The following ATF3 variants were observed in gnomAD, a reference collection of about 807,000 sequenced individuals.
ATF3 encodes the protein cyclic AMP-dependent transcription factor ATF-3.
A neutral mutation model predicts 18.4 loss-of-function variants in ATF3; 10 were observed. The observed-to-expected ratio is 0.54, with a 90% CI of 0.34 to 0.92. The LOEUF (loss-of-function observed/expected upper bound fraction) is 0.92. ATF3 is among the 40% of genes least tolerant of loss of function. ATF3 has a pLI of 0.02. For synonymous variants in ATF3, 78 were observed against 87.9 expected (o/e 0.89, Z 0.63); for missense variants, 183 against 222.3 (o/e 0.82, Z 1.12).
chr1:212,576,012 C>T (rs897196709), intron 1 of ATF3, among the ~76,000 whole-genome samples: 7 of 152,024 alleles, frequency 4.6e-5, no homozygotes, highest in African/African-American at 1.7e-4. Context: ...CTTTTTCCTC[C>T]TACCCTCTGA....
chr1:212,577,636 A>T (rs1664605957), intron 1 of ATF3, among the ~76,000 whole-genome samples: 3 of 150,478 alleles, frequency 2.0e-5, no homozygotes, highest in Admixed American at 2.0e-4. Context: ...CTGTAAGATC[A>T]ACTTTTTTCA....
At position 212,619,122 on chromosome 1, in the gene ATF3, C is replaced by T. The variant is rs753140735; in HGVS notation, c.349-236C>T. ...TGCAAATGAGGTATCTGAACTGCAG[C>T]TTCAGTATTAGCAGAGCCACAGGCC... On this transcript the variant is annotated intron_variant, in intron 3 of 3. Transcript: ENST00000341491. This position sits in a 1 kb window ranked among gnomAD's most constrained non-coding sequence, Gnocchi z 4.4. 9.3e-6 allele frequency: 15 copies of T among 1,614,014 alleles called. No homozygotes were observed. The East Asian group carries it at 2.7e-4, about 29-fold the overall frequency.
In ATF3 at chr1:212,571,731, A is replaced by ATTT. The variant is rs1337002918; in HGVS notation, c.-5+6248_-5+6249insTTT. ...AGCCAATACTTTTTTTTTTTTTTTGAGACGGAGTCTGGCTCTGTCGCCCAG... is the reference window on the plus strand; with the variant it reads ...AGCCAATACTTTTTTTTTTTTTTTGATTTGACGGAGTCTGGCTCTGTCGCCCAG... On this transcript the variant is annotated intron_variant, in intron 1 of 3. Transcript: ENST00000366981. 6.2e-5 allele frequency among the ~76,000 whole-genome samples: 5 copies of ATTT among 80,384 alleles called. No homozygotes were observed. In the East Asian group the frequency reaches 1.2e-3, roughly 19 times the overall value. 52.7% of individuals were successfully genotyped at this position (80,384 alleles called of 152,430 possible). A position where few individuals can be genotyped will look rare whatever the true frequency, so the allele number is the denominator to read the frequency against.
chr1:212,580,596 A>G (rs1015114457), intron 1 of ATF3, among the ~76,000 whole-genome samples: 1 of 152,102 alleles, frequency 6.6e-6, no homozygotes, highest in Non-Finnish European at 1.5e-5. Flanking sequence ...GTGAACCACC[A>G]TACCCAGCCT....
chr1:212,577,729 A>G (rs116562142), intron 1 of ATF3, among the ~76,000 whole-genome samples: 1,846 of 152,256 alleles, frequency 0.012, 28 homozygotes, highest in African/African-American at 0.037. Context: ...CTCCAGATTC[A>G]TCCATGTTGT....
In ATF3 at chr1:212,593,642, G is replaced by A. The variant is rs75768708; in HGVS notation, c.-4-21376G>A. On this transcript the variant is annotated intron_variant, in intron 1 of 3. Transcript: ENST00000366981. ...TGTAGTCCCAGCTATTTGGGAGGCT[G>A]AGGCTAGAGGATCACTTGAGCCCAG... is the stretch of plus-strand genomic sequence containing the variant. Among the ~76,000 whole-genome samples, 23 of 151,660 alleles carry A rather than the reference G, an allele frequency of 1.5e-4. No homozygotes were observed. In the East Asian group the frequency reaches 4.5e-3, roughly 29 times the overall value.
chr1:212,590,107 T>C (rs1209857363), intron 1 of ATF3, among the ~76,000 whole-genome samples: 2 of 152,178 alleles, frequency 1.3e-5, no homozygotes, highest in African/African-American at 4.8e-5. Flanking sequence ...TTGAACACTG[T>C]TTGGTTGCAT....
chr1:212,584,414 A>T (rs534927953), intron 1 of ATF3, among the ~76,000 whole-genome samples: 1 of 152,128 alleles, frequency 6.6e-6, no homozygotes, highest in Admixed American at 6.6e-5. Flanking sequence ...CCAATGGTGC[A>T]GTTCCAGTCT....
rs368522432 is a variant in ATF3, at chr1:212,568,056, T to C, written c.-5+2573T>C. ...TGCCGACTATTATAGCCCCAGTTTC[T>C]AACTTAGAGCCTGCACATAGAAGGT... is the stretch of plus-strand genomic sequence containing the variant. On this transcript the variant is annotated intron_variant, in intron 1 of 3. Coordinates refer to the ATF3 transcript ENST00000366981. 3.9e-5 allele frequency among the ~76,000 whole-genome samples: 6 copies of C among 152,320 alleles called. No homozygotes were observed. The East Asian group carries it at 1.2e-3, about 29-fold the overall frequency.
chr1:212,596,271 A>G (rs992979883), intron 1 of ATF3, among the ~76,000 whole-genome samples: 2 of 152,270 alleles, frequency 1.3e-5, no homozygotes, highest in Admixed American at 6.5e-5. Context: ...CCTGTGTAAC[A>G]TAAGTGCCTA....
Position 212,576,683 on chromosome 1 carries a change from T to TA in ATF3, c.-5+11206dup, listed in dbSNP as rs551013716. ...ATTCCAGAGTTAAAGTTTTTAAAGA[T>TA]AAAAAAGTTATTAAAAAATATTCTT... On this transcript the variant is annotated intron_variant, in intron 1 of 3. Coordinates refer to the ATF3 transcript ENST00000366981. Among the ~76,000 whole-genome samples, 140 of 148,200 alleles carry TA rather than the reference T, an allele frequency of 9.4e-4. 1 individual carries two copies. The highest frequency in any genetic ancestry group is 7.0e-3 in the Middle Eastern group (2 of 286).
At chr1:212,616,319 CAG>C (rs766766348) in intron 2 of ATF3, among the ~76,000 whole-genome samples, 3 of 151,430 alleles carry the variant, frequency 2.0e-5, no homozygotes, top group Admixed American at 2.0e-4. Context: ...TTTTTTGAGA[CAG>C]AGTCTTGTTC....
chr1:212,597,578 C>T (rs932419266), intron 1 of ATF3, among the ~76,000 whole-genome samples: 1 of 152,116 alleles, frequency 6.6e-6, no homozygotes, highest in Admixed American at 6.6e-5. Flanking sequence ...ATGTTCCAGG[C>T]CAGTAAGTGG....
chr1:212,619,203 C>T lies in ATF3; in HGVS notation c.349-155C>T. ...AGAAGAGGGTCTGCATTTTCCTAAA[C>T]CCAGTGCTGCTCTCCCATCTCCCAT... On this transcript the variant is annotated intron_variant, in intron 3 of 3. Coordinates refer to ENST00000341491, the MANE Select transcript of ATF3 (RefSeq NM_001674.4). This position sits in a 1 kb window ranked among gnomAD's most constrained non-coding sequence, Gnocchi z 4.4. 1.9e-6 allele frequency: 3 copies of T among 1,610,846 alleles called. No homozygotes were observed. The highest frequency in any genetic ancestry group is 1.7e-5 in the Admixed American group (1 of 59,728).
At position 212,619,297 on chromosome 1, in the gene ATF3, G is replaced by A; in HGVS notation, c.349-61G>A. ...CCCCTGCATCCAGGCAGCAGCCCAG[G>A]CCACCCCCTCCTCACTGGCCCTTGG... On this transcript the variant is annotated intron_variant, in intron 3 of 3. Coordinates refer to ENST00000341491, the MANE Select transcript of ATF3 (RefSeq NM_001674.4). The surrounding 1 kb of genome is among the most constrained non-coding windows in gnomAD (Gnocchi z 4.4). 1 of 1,611,852 alleles carries A rather than the reference G, an allele frequency of 6.2e-7. No homozygotes were observed. The highest frequency in any genetic ancestry group is 8.5e-7 in the Non-Finnish European group (1 of 1,179,910).
chr1:212,610,088 A>G (rs766034510), intron 1 of ATF3, among the ~76,000 whole-genome samples: 28 of 152,172 alleles, frequency 1.8e-4, no homozygotes, highest in Non-Finnish European at 3.4e-4. Flanking sequence ...TCTGCAGGGC[A>G]TCTTTTCCCT....
Position 212,619,933 on chromosome 1 carries a change from TC to T in ATF3, c.*380del, listed in dbSNP as rs1299170182. On this transcript the variant is annotated 3_prime_UTR_variant, in exon 4 of 4. Transcript: ENST00000341491. This position sits in a 1 kb window ranked among gnomAD's most constrained non-coding sequence, Gnocchi z 4.4. ...CTCGGGTGGGAGGGATGGGGCCATC[TC>T]CTTCACCGTGGCTACCATTGTCACT... is the stretch of plus-strand genomic sequence containing the variant. 7.0e-6 allele frequency: 2 copies of T among 285,166 alleles called. No individual in the cohort carries two copies. The highest frequency in any genetic ancestry group is 4.4e-5 in the African/African-American group (2 of 45,838). 17.7% of individuals were successfully genotyped at this position (285,166 alleles called of 1,614,324 possible).
upstream of ATF3, among the ~76,000 whole-genome samples, chr1:212,607,886 A>C (rs1475934203): frequency 6.6e-6 from 1 of 151,036 alleles, no homozygotes; most frequent in Non-Finnish European, 1.5e-5. Flanking sequence ...TGTTCTTGTC[A>C]ATTTCAAACG....
chr1:212,573,291 T>C (rs1664517586), intron 1 of ATF3, among the ~76,000 whole-genome samples: 1 of 152,114 alleles, frequency 6.6e-6, no homozygotes, highest in South Asian at 2.1e-4. Flanking sequence ...AGTTCTTAAA[T>C]TTGTAATTAT....
Sources: gnomAD v4.1 joint callset for allele counts (sites outside exome capture counted in the v4.1 genomes callset) on GRCh38, gnomAD v4.1.1 for gene constraint, Gnocchi (gnomAD v3.1) non-coding constraint, MANE v1.5 for transcripts, NCBI Gene and HGNC (gene_info 2026-07-23, HGNC 2026-07-21) for gene names.